The following ALG9 variants were observed in gnomAD, a reference collection of about 807,000 sequenced individuals.
ALG9 encodes the protein alpha-1,2-mannosyltransferase ALG9.
In ALG9, 55 loss-of-function variants were observed where a neutral mutation model predicts 81.8. The observed-to-expected ratio is 0.67, with a 90% CI of 0.54 to 0.84. The LOEUF (loss-of-function observed/expected upper bound fraction) is 0.84. Ranked by LOEUF, ALG9 falls within the 40% of genes least tolerant of loss-of-function variation. The pLI is 0.00. For synonymous variants in ALG9, 278 were observed against 274.3 expected (o/e 1.01, Z -0.13); for missense variants, 629 against 745.0 (o/e 0.84, Z 1.81).
At chr11:111,843,901 T>C (rs782366850) in intron 9 of ALG9, among the ~76,000 whole-genome samples, 6 of 152,206 alleles carry the variant, frequency 3.9e-5, no homozygotes, top group Non-Finnish European at 8.8e-5. Flanking sequence ...TGGTTCAGAT[T>C]TTATACTTTC....
At chr11:111,811,329 G>A (rs1950674715) in intron 13 of ALG9, among the ~76,000 whole-genome samples, 1 of 152,090 alleles carries the variant, frequency 6.6e-6, no homozygotes, top group Non-Finnish European at 1.5e-5. Flanking sequence ...GATCACCTGA[G>A]GTCAGGAGTT....
chr11:111,769,272 C>G, the ALG9 span: 1 of 133,728 alleles, frequency 7.5e-6, no homozygotes, highest in Non-Finnish European at 1.6e-5. Context: ...GGTCACACCA[C>G]TGCGCTCCAC....
chr11:111,818,795 A>C (rs545742147), intron 13 of ALG9, among the ~76,000 whole-genome samples: 6 of 152,222 alleles, frequency 3.9e-5, no homozygotes, highest in East Asian at 1.9e-4. Context: ...GTAGGTCCTA[A>C]GTAAATGTCT....
At chr11:111,859,428 G>A (rs1010008403) in intron 5 of ALG9, among the ~76,000 whole-genome samples, 2 of 151,964 alleles carry the variant, frequency 1.3e-5, no homozygotes, top group Admixed American at 6.6e-5. Context: ...CTTGAACCTT[G>A]GGAGGAGGGG....
At chr11:111,795,006 C>T (rs782736937) in intron 14 of ALG9, among the ~76,000 whole-genome samples, 2 of 152,136 alleles carry the variant, frequency 1.3e-5, no homozygotes, top group African/African-American at 2.4e-5. Flanking sequence ...ACAGGAAATG[C>T]GGTGAGAGAC....
At chr11:111,791,443 AC>A (rs1947394555) in intron 14 of ALG9, among the ~76,000 whole-genome samples, 1 of 152,234 alleles carries the variant, frequency 6.6e-6, no homozygotes, top group African/African-American at 2.4e-5. Flanking sequence ...ATTCCAAGGT[AC>A]GCTAAGCAGG....
the ALG9 span, among the ~76,000 whole-genome samples, chr11:111,774,069 T>TAAAAAAAAAAAAAAA: frequency 2.9e-5 from 2 of 69,734 alleles, no homozygotes; most frequent in Admixed American, 1.8e-4. Flanking sequence ...CATATCTTAT[T>TAAAAAAAAAAAAAAA]AAAAAAAAAA....
In ALG9 at chr11:111,785,497, T is replaced by TA. The variant is rs35701057; in HGVS notation, c.*899dup. On this transcript the variant is annotated 3_prime_UTR_variant, in exon 15 of 15. Transcript: ENST00000616540. ...ACTGATCCTTTTCACTGGGGGTGGT[T>TA]AAAAAAAAAGGAAAATTCTTAATTT... 193 of 152,370 alleles carry TA rather than the reference T, an allele frequency of 1.3e-3. No homozygotes were observed. Among genetic ancestry groups the TA allele is most frequent in the Non-Finnish European group, 1.1e-3 (74 of 68,648 alleles). 9.4% of individuals were successfully genotyped at this position (152,370 alleles called of 1,614,324 possible). A position where few individuals can be genotyped will look rare whatever the true frequency, so the allele number is the denominator to read the frequency against.
chr11:111,838,663 A>C (rs144233382), intron 10 of ALG9, among the ~76,000 whole-genome samples: 40 of 152,274 alleles, frequency 2.6e-4, no homozygotes, highest in African/African-American at 8.9e-4. Flanking sequence ...AGTCCTAATA[A>C]GTTATTTTTT....
chr11:111,786,675 T>C, intron 14 of ALG9, among the ~76,000 whole-genome samples, 155 bp from the exon 15 acceptor site: 1 of 152,178 alleles, frequency 6.6e-6, no homozygotes, highest in East Asian at 1.9e-4. Context: ...TAGATCACGA[T>C]AAAAGACTTA....
At chr11:111,820,613 C>T (rs1356489425) in intron 13 of ALG9, among the ~76,000 whole-genome samples, 1 of 152,192 alleles carries the variant, frequency 6.6e-6, no homozygotes, top group Non-Finnish European at 1.5e-5. Context: ...TTGGGGGACA[C>T]AAACCATAGC....
intron 8 of ALG9, 143 bp from the exon 9 acceptor site, chr11:111,844,866 T>C (rs1489649538): frequency 1.5e-5 from 14 of 903,530 alleles, no homozygotes; most frequent in Non-Finnish European, 2.3e-5. Flanking sequence ...ACTCTTCCCA[T>C]GCTAAGCTAC....
intron 3 of ALG9, among the ~76,000 whole-genome samples, 191 bp downstream of exon 3, chr11:111,868,411 A>G (rs1963185760): frequency 6.6e-6 from 1 of 152,276 alleles, no homozygotes; most frequent in South Asian, 2.1e-4. Context: ...TTATAGCCAC[A>G]GCACTTAATA....
chr11:111,790,931 A>G (rs1947304850), intron 14 of ALG9, among the ~76,000 whole-genome samples: 1 of 152,232 alleles, frequency 6.6e-6, no homozygotes, highest in Non-Finnish European at 1.5e-5. Flanking sequence ...TGCAGTCTCT[A>G]TGATAGAGCA....
the ALG9 span, among the ~76,000 whole-genome samples, chr11:111,774,546 G>A: frequency 6.6e-6 from 1 of 152,220 alleles, no homozygotes; most frequent in African/African-American, 2.4e-5. Context: ...GTAACAGGGT[G>A]CCTGGGGAAC....
intron 13 of ALG9, among the ~76,000 whole-genome samples, chr11:111,835,808 T>C (rs919552453): frequency 1.2e-4 from 19 of 152,256 alleles, no homozygotes; most frequent in African/African-American, 4.6e-4. Flanking sequence ...TGGAGTGCAG[T>C]AGCGGAATCA....
rs781973296 is a variant in ALG9, at chr11:111,809,635, C to A, written c.1733+8G>T. On this transcript the variant is annotated splice_region_variant and intron_variant, in intron 14 of 14. Transcript: ENST00000616540. ...CCTGGAATATCCCATAGGATTAAAGCCACATACCTAGAAGCATCAAGGAAT... is the reference window on the plus strand; with the variant it reads ...CCTGGAATATCCCATAGGATTAAAGACACATACCTAGAAGCATCAAGGAAT... The A allele has an allele frequency of 6.2e-7, 1 of 1,613,842 alleles. No homozygotes were observed. Among genetic ancestry groups the A allele is most frequent in the South Asian group, 1.1e-5 (1 of 91,084 alleles).
chr11:111,804,267 T>C (rs781989403), intron 14 of ALG9, among the ~76,000 whole-genome samples: 3 of 152,098 alleles, frequency 2.0e-5, no homozygotes, highest in Non-Finnish European at 4.4e-5. Flanking sequence ...AGGCATGATT[T>C]ATGAAAAAAG....
At chr11:111,799,486 G>A (rs1213040062) in intron 14 of ALG9, among the ~76,000 whole-genome samples, 2 of 149,632 alleles carry the variant, frequency 1.3e-5, no homozygotes, top group African/African-American at 4.9e-5. Context: ...AAACATGCTG[G>A]TACTGCCTTC....
Sources: allele counts gnomAD v4.1 joint callset (sites outside exome capture counted in the v4.1 genomes callset), GRCh38; gene constraint gnomAD v4.1.1; transcripts MANE v1.5; gene names NCBI Gene and HGNC (gene_info 2026-07-23, HGNC 2026-07-21).